NUTM2G: variants seen among roughly 807,000 people sequenced by gnomAD.
NUTM2G encodes the protein family with sequence similarity 22, member G.
Under a neutral mutation model 44.3 loss-of-function variants are expected in NUTM2G, and 29 were observed. The ratio of observed to expected loss-of-function variants is 0.66; its 90% CI spans 0.49 to 0.89. The LOEUF (loss-of-function observed/expected upper bound fraction) is 0.89, where lower values mean the gene tolerates loss of function less well. Ranked by LOEUF, NUTM2G falls within the 40% of genes least tolerant of loss-of-function variation. NUTM2G has a pLI of 0.00. For missense variants in NUTM2G, 502 were observed against 946.5 expected, an observed-to-expected ratio of 0.53 and a Z score of 6.16; for synonymous variants, 205 against 395.9, an observed-to-expected ratio of 0.52 and a Z score of 5.72.
Position 96,938,688 on chromosome 9 carries a change from C to T in NUTM2G, c.1765C>T (p.Pro589Ser), listed in dbSNP as rs372113326. The T allele has an allele frequency of 1.9e-6, 3 of 1,605,852 alleles. No homozygotes were observed. The highest frequency in any genetic ancestry group is 2.5e-6 in the Non-Finnish European group (3 of 1,179,422). ...TCCCCAGGACCACAGACCCACCTGC[C>T]CCGGCCTGGGGACCAAGGACGCCTT... is the stretch of plus-strand genomic sequence containing the variant. ...SPPQDHRPTC[P>S]GLGTKDALGL... is the part of the protein sequence containing the mutation. The change falls in exon 7 of 7, where the codon CCC becomes TCC. Residue 589 changes from proline to serine, a missense_variant. By Grantham distance (74) the Pro-to-Ser change is moderately conservative. Coordinates refer to ENST00000372322, the MANE Select transcript of NUTM2G (RefSeq NM_001170741.3).
At chr9:96,932,595 T>C (rs1826299382) in intron 2 of NUTM2G, among the ~76,000 whole-genome samples, 177 bp downstream of exon 2, 1 of 152,146 alleles carries the variant, frequency 6.6e-6, no homozygotes, top group African/African-American at 2.4e-5. Context: ...CAGGACAGAC[T>C]GTCAGGGGCC....
At position 96,935,588 on chromosome 9, in the gene NUTM2G, C is replaced by T; in HGVS notation, c.842+132C>T. The T allele has an allele frequency of 1.9e-6, 3 of 1,556,230 alleles. No individual in the cohort carries two copies. The Admixed American group carries it at 5.4e-5, about 28-fold the overall frequency. ...GACAAACACAGGACGCCCTGGGCCC[C>T]TGGCTCCCTCAGGAAGCTGCTCCTG... On this transcript the variant is annotated intron_variant, in intron 3 of 6. Transcript: ENST00000372322.
At position 96,937,323 on chromosome 9, in the gene NUTM2G, G is replaced by A. The variant is rs780266308; in HGVS notation, c.1242G>A (p.Gln414=). ...AAAAGGGCAAAGTGGAGCAGCCGCAGGAAGAGGACGGGATGACCTCAGACC... is the reference window on the plus strand; with the variant it reads ...AAAAGGGCAAAGTGGAGCAGCCGCAAGAAGAGGACGGGATGACCTCAGACC... The part of the protein sequence containing the change: ...QREKGKVEQP[Q]EEDGMTSDPG... Residue 414 remains glutamine (Q), a synonymous_variant, in exon 5 of 7, where the codon CAG becomes CAA. Coordinates refer to ENST00000372322, the MANE Select transcript of NUTM2G (RefSeq NM_001170741.3). The A allele has an allele frequency of 6.2e-7, 1 of 1,613,950 alleles. No homozygotes were observed. The highest frequency in any genetic ancestry group is 8.5e-7 in the Non-Finnish European group (1 of 1,179,874).
intron 2 of NUTM2G, among the ~76,000 whole-genome samples, 191 bp downstream of exon 2, chr9:96,932,609 T>C (rs138200059): frequency 0.055 from 8,354 of 151,578 alleles, 349 homozygotes; most frequent in African/African-American, 0.18. Flanking sequence ...AGGGGCCTCA[T>C]GTCAACTGCC....
chr9:96,932,657 T>C (rs1230665154), intron 2 of NUTM2G, among the ~76,000 whole-genome samples: 1 of 151,728 alleles, frequency 6.6e-6, no homozygotes, highest in African/African-American at 2.4e-5. Flanking sequence ...CCTTAATTTT[T>C]TTTTTTTTTT....
chr9:96,940,465 G>A (rs369418895), downstream of NUTM2G, among the ~76,000 whole-genome samples: 5,043 of 122,688 alleles, frequency 0.041, 1 homozygote, highest in Middle Eastern at 0.1. Context: ...CCATGTGGCC[G>A]ACCTCTGCCC....
Position 96,937,367 on chromosome 9 carries a change from T to C in NUTM2G, c.1286T>C (p.Ile429Thr), listed in dbSNP as rs766581847. 61 of 1,613,816 alleles carry C rather than the reference T, an allele frequency of 3.8e-5. No homozygotes were observed. Among genetic ancestry groups the C allele is most frequent in the South Asian group, 1.8e-4 (16 of 91,060 alleles). ...TCAGACCCGGGCCTCCTGAGCTACATTGACAAGCTGTGTTCCCAGGAAGAC... is the reference window on the plus strand; with the variant it reads ...TCAGACCCGGGCCTCCTGAGCTACACTGACAAGCTGTGTTCCCAGGAAGAC... ...MTSDPGLLSY[I>T]DKLCSQEDFV... Residue 429 changes from isoleucine (I) to threonine (T), a missense_variant, in exon 5 of 7, where the codon ATT (isoleucine) becomes ACT (threonine). Physicochemically the swap from Ile to Thr is moderately conservative, Grantham distance 89. Transcript: ENST00000372322.
chr9:96,937,403 A>C lies in NUTM2G; in HGVS notation c.1322A>C (p.Lys441Thr), dbSNP rs1826471450. ...TGTTCCCAGGAAGACTTTGTCACCA[A>C]GGTGGGCTTGCCTGGAGTGCTGTGG... ...KLCSQEDFVT[K>T]VEAVIHPRFL... Residue 441 changes from lysine to threonine, a missense_variant and splice_region_variant, in exon 5 of 7, where the codon AAG becomes ACG. By Grantham distance (78) the Lys-to-Thr change is moderately conservative. Coordinates refer to ENST00000372322, the MANE Select transcript of NUTM2G (RefSeq NM_001170741.3). 6.2e-7 allele frequency: 1 copy of C among 1,612,792 alleles called. No homozygotes were observed. The highest frequency in any genetic ancestry group is 8.5e-7 in the Non-Finnish European group (1 of 1,179,544).
intron 2 of NUTM2G, among the ~76,000 whole-genome samples, chr9:96,934,417 C>A (rs1240567284): frequency 6.6e-6 from 1 of 152,010 alleles, no homozygotes; most frequent in African/African-American, 2.4e-5. Context: ...TGGTTGCATC[C>A]CCCCTTGGAG....
intron 1 of NUTM2G, among the ~76,000 whole-genome samples, chr9:96,930,929 C>G (rs974245648): frequency 9.7e-6 from 1 of 103,208 alleles, no homozygotes; most frequent in Non-Finnish European, 1.8e-5. Context: ...GAGTCTCGCT[C>G]TGTCACCCGG....
At chr9:96,930,693 G>A (rs1379981967) in intron 1 of NUTM2G, among the ~76,000 whole-genome samples, 1 of 147,954 alleles carries the variant, frequency 6.8e-6, no homozygotes, top group African/African-American at 2.5e-5. Flanking sequence ...CCTGGGAACT[G>A]AGCTTCCTGA....
Position 96,937,357 on chromosome 9 carries a change from C to G in NUTM2G, c.1276C>G (p.Leu426Val), listed in dbSNP as rs773215343. ...EDGMTSDPGL[L>V]SYIDKLCSQE... ...CGGGATGACCTCAGACCCGGGCCTC[C>G]TGAGCTACATTGACAAGCTGTGTTC... Residue 426 changes from leucine (L) to valine (V), a missense_variant, in exon 5 of 7, where the codon CTG becomes GTG. Physicochemically the swap from Leu to Val is conservative, Grantham distance 32. Coordinates refer to ENST00000372322, the MANE Select transcript of NUTM2G (RefSeq NM_001170741.3). The G allele has an allele frequency of 2.5e-6, 4 of 1,613,804 alleles. No homozygotes were observed. The highest frequency in any genetic ancestry group is 3.4e-6 in the Non-Finnish European group (4 of 1,179,868).
intron 3 of NUTM2G, among the ~76,000 whole-genome samples, 189 bp downstream of exon 3, chr9:96,935,645 C>T (rs1279592594): frequency 2.0e-5 from 3 of 152,186 alleles, no homozygotes; most frequent in Non-Finnish European, 4.4e-5. Flanking sequence ...CTCTGTCCCG[C>T]CCTCTTGGGA....
rs1826157176 is a variant in NUTM2G, at chr9:96,928,874, C to T, written c.-151C>T. ...CCCCCTCTGCAGAATGTCTGGGGTC[C>T]TGTGTTCCAAACCTGTTTATATGCA... On this transcript the variant is annotated 5_prime_UTR_variant, in exon 1 of 7. Coordinates refer to ENST00000372322, the MANE Select transcript of NUTM2G (RefSeq NM_001170741.3). The T allele has an allele frequency of 3.8e-6, 3 of 787,062 alleles. No individual in the cohort carries two copies. The highest frequency in any genetic ancestry group is 6.0e-6 in the Non-Finnish European group (3 of 502,998). 48.8% of individuals were successfully genotyped at this position (787,062 alleles called of 1,614,324 possible).
At chr9:96,934,175 C>A (rs1399835043) in intron 2 of NUTM2G, among the ~76,000 whole-genome samples, 1 of 152,148 alleles carries the variant, frequency 6.6e-6, no homozygotes, top group Non-Finnish European at 1.5e-5. Flanking sequence ...GACTGTGAGG[C>A]AGCAACATCA....
rs760195758 is a variant in NUTM2G, at chr9:96,937,046, C to T, written c.983-18C>T. 4 of 1,589,842 alleles carry T rather than the reference C, an allele frequency of 2.5e-6. No individual in the cohort carries two copies. In the East Asian group the frequency reaches 6.8e-5, roughly 27 times the overall value. On this transcript the variant is annotated intron_variant, in intron 4 of 6. Coordinates refer to ENST00000372322, the MANE Select transcript of NUTM2G (RefSeq NM_001170741.3). The stretch of plus-strand genomic sequence containing the variant: ...GAGCGGCCCTCACCACACCCATCCT[C>T]CTCCCTCTCTGCCTCAGTGTACCTT...
intron 2 of NUTM2G, among the ~76,000 whole-genome samples, chr9:96,932,776 C>G (rs1826307149): frequency 6.6e-6 from 1 of 151,772 alleles, no homozygotes. Flanking sequence ...CCTCAGCTTC[C>G]TGAGTAGTTG....
At chr9:96,936,963 G>C in intron 4 of NUTM2G, 101 bp from the exon 5 acceptor site, 1 of 1,368,136 alleles carries the variant, frequency 7.3e-7, no homozygotes, top group East Asian at 2.5e-5. Context: ...TCCTGACCCA[G>C]CTGGGACCCA....
At position 96,935,381 on chromosome 9, in the gene NUTM2G, G is replaced by A. The variant is rs1466688724; in HGVS notation, c.767G>A (p.Gly256Glu). Reference protein sequence around the residue: ...RRKPTMTLEEGLWRAMREWQH... With the variant: ...RRKPTMTLEEELWRAMREWQH... ...AAGCCCACCATGACGCTGGAGGAGG[G>A]ACTGTGGCGGGCCATGCGGGAATGG... The change falls in exon 3 of 7, where the codon GGA (glycine) becomes GAA (glutamate). Residue 256 changes from glycine to glutamate, a missense_variant. Transcript: ENST00000372322. 2 of 1,612,076 alleles carry A rather than the reference G, an allele frequency of 1.2e-6. No homozygotes were observed. Among genetic ancestry groups the A allele is most frequent in the South Asian group, 1.1e-5 (1 of 90,992 alleles).
Sources: allele counts gnomAD v4.1 joint callset (sites outside exome capture counted in the v4.1 genomes callset), GRCh38; gene constraint gnomAD v4.1.1; transcripts MANE v1.5; gene names NCBI Gene and HGNC (gene_info 2026-07-23, HGNC 2026-07-21).